PMM2: variants seen among roughly 807,000 people sequenced by gnomAD.
PMM2 encodes mannose-6-phosphate isomerase.
PMM2 carries 35 observed loss-of-function variants against 33.2 expected under a neutral mutation model. The ratio of observed to expected loss-of-function variants is 1.06; its 90% CI spans 0.81 to 1.40. The LOEUF is 1.40. PMM2 is among the 40% of genes most tolerant of loss of function. The pLI, the probability that PMM2 is intolerant of heterozygous loss-of-function variation, is 0.00. For synonymous variants in PMM2, 153 were observed against 114.7 expected, an observed-to-expected ratio of 1.33 and a Z score of -2.13; for missense variants, 386 against 306.0, an observed-to-expected ratio of 1.26 and a Z score of -1.95.
intron 6 of PMM2, among the ~76,000 whole-genome samples, chr16:8,812,768 C>T (rs1476983159): frequency 6.6e-6 from 1 of 152,168 alleles, no homozygotes; most frequent in Non-Finnish European, 1.5e-5. Context: ...AGTTGGCATT[C>T]TGTGCCTCAA....
At position 8,813,038 on chromosome 16, in the gene PMM2, T is replaced by TTTCC. The variant is rs1225268343; in HGVS notation, c.571_572insTTCC (p.Tyr191PhefsTer10). ...CTTTCCTGATGGATGGGACAAGAGA[T>TTTCC]ACTGTCTGCGACATGTGGAAAATGA... On this transcript the variant is annotated frameshift_variant, in exon 7 of 8. Transcript: ENST00000268261. LOFTEE classifies it high-confidence loss of function. 2 of 1,613,752 alleles carry TTTCC rather than the reference T, an allele frequency of 1.2e-6. No homozygotes were observed. Among genetic ancestry groups the TTTCC allele is most frequent in the African/African-American group, 2.7e-5 (2 of 74,936 alleles).
At chr16:8,827,371 C>CT (rs1036626956) in intron 7 of PMM2, among the ~76,000 whole-genome samples, 5 of 150,856 alleles carry the variant, frequency 3.3e-5, no homozygotes, top group African/African-American at 1.2e-4. Context: ...GCACAAAGGC[C>CT]TTTTTTTTAT....
intron 7 of PMM2, among the ~76,000 whole-genome samples, chr16:8,833,522 C>T (rs372769149): frequency 3.2e-4 from 49 of 151,416 alleles, no homozygotes; most frequent in South Asian, 2.3e-3. Context: ...AGTGTTGGGG[C>T]GGTGAAAATT....
At chr16:8,841,986 A>G (rs1385981132) in intron 7 of PMM2, among the ~76,000 whole-genome samples, 9 of 151,378 alleles carry the variant, frequency 5.9e-5, no homozygotes, top group Non-Finnish European at 1.0e-4. Context: ...ACGGCCTCTA[A>G]AAGTATTAAA....
chr16:8,847,523 T>C (rs1386032253), intron 7 of PMM2: 1 of 586,170 alleles, frequency 1.7e-6, no homozygotes, highest in East Asian at 2.9e-5. Flanking sequence ...CAAATTGCAG[T>C]TCAAGAGAAG....
At chr16:8,816,119 A>T (rs1273999595) in intron 7 of PMM2, among the ~76,000 whole-genome samples, 3 of 151,956 alleles carry the variant, frequency 2.0e-5, no homozygotes, top group African/African-American at 7.2e-5. Context: ...ACCTGCCAGG[A>T]TGGCCATTTT....
intron 7 of PMM2, among the ~76,000 whole-genome samples, chr16:8,825,294 G>C (rs184824216): frequency 2.0e-5 from 3 of 152,056 alleles, no homozygotes; most frequent in Non-Finnish European, 4.4e-5. Flanking sequence ...GCCTCCCAAA[G>C]TGCTAGGATT....
intron 7 of PMM2, among the ~76,000 whole-genome samples, chr16:8,837,495 C>G (rs1387929689): frequency 6.6e-6 from 1 of 151,168 alleles, no homozygotes; most frequent in Non-Finnish European, 1.5e-5. Flanking sequence ...GGAGGTAAGC[C>G]CAGAGAAAAG....
rs2060940722 is a variant in PMM2, at chr16:8,848,114, A to C, written c.*289A>C. 1 of 400,884 alleles carries C rather than the reference A, an allele frequency of 2.5e-6. No homozygotes were observed. The highest frequency in any genetic ancestry group is 2.2e-5 in the African/African-American group (1 of 46,420). 24.8% of individuals were successfully genotyped at this position (400,884 alleles called of 1,614,324 possible). On this transcript the variant is annotated 3_prime_UTR_variant, in exon 8 of 8. Transcript: ENST00000268261. ...CCCACCCTGATACGTGCAATCATGT[A>C]GTTTTGGCGGAAATTTCCCCATCAT...
At chr16:8,836,021 TG>T (rs59264554) in intron 7 of PMM2, among the ~76,000 whole-genome samples, 139,040 of 150,190 alleles carry the variant, frequency 0.93, 64,669 homozygotes, top group East Asian at 0.97. Context: ...TGGGGATAAC[TG>T]AAAAGGAGTG....
At chr16:8,828,270 A>G (rs2060790014) in intron 7 of PMM2, among the ~76,000 whole-genome samples, 1 of 151,980 alleles carries the variant, frequency 6.6e-6, no homozygotes, top group African/African-American at 2.4e-5. Context: ...TAGTTTAGAG[A>G]AAAGAAAATT....
chr16:8,823,029 G>T (rs1414231128), intron 7 of PMM2, among the ~76,000 whole-genome samples: 1 of 152,174 alleles, frequency 6.6e-6, no homozygotes, highest in African/African-American at 2.4e-5. Context: ...TAGACAGACA[G>T]ATTGGGGTAG....
intron 7 of PMM2, among the ~76,000 whole-genome samples, chr16:8,843,408 G>A (rs1375953792): frequency 1.3e-5 from 2 of 152,190 alleles, no homozygotes; most frequent in Non-Finnish European, 2.9e-5. Flanking sequence ...AGTTCTAGGG[G>A]CTCTGGGAGT....
Position 8,801,904 on chromosome 16 carries a change from A to G in PMM2, c.172A>G (p.Asn58Asp). ...TGAGAAAGTGCAGGAGCAACTGGGA[A>G]ATGATGGTAAATGATGGGTTGCTAA... The part of the protein sequence containing the change: ...DFEKVQEQLG[N>D]DVVEKYDYVF... The change falls in exon 2 of 8, where the codon AAT becomes GAT. Residue 58 changes from asparagine (N) to aspartate (D), a missense_variant. Coordinates refer to ENST00000268261, the MANE Select transcript of PMM2 (RefSeq NM_000303.3). 1 of 1,555,624 alleles carries G rather than the reference A, an allele frequency of 6.4e-7. No individual in the cohort carries two copies. The highest frequency in any genetic ancestry group is 1.1e-5 in the South Asian group (1 of 89,604).
chr16:8,834,927 A>G (rs2060833754), intron 7 of PMM2, among the ~76,000 whole-genome samples: 1 of 152,208 alleles, frequency 6.6e-6, no homozygotes, highest in Admixed American at 6.5e-5. Context: ...GGTCCGGGCC[A>G]GGAACAATGG....
At chr16:8,831,032 G>A (rs545993592) in intron 7 of PMM2, among the ~76,000 whole-genome samples, 4 of 152,144 alleles carry the variant, frequency 2.6e-5, no homozygotes, top group Non-Finnish European at 4.4e-5. Flanking sequence ...CCAGCTACTC[G>A]GGAGGCTGAG....
At chr16:8,812,729 G>A (rs1032034770) in intron 6 of PMM2, among the ~76,000 whole-genome samples, 4 of 152,146 alleles carry the variant, frequency 2.6e-5, no homozygotes, top group African/African-American at 9.7e-5. Flanking sequence ...TTGACAGGGC[G>A]CTTAAACGCA....
chr16:8,818,450 A>G (rs2060719664), intron 7 of PMM2, among the ~76,000 whole-genome samples: 1 of 152,236 alleles, frequency 6.6e-6, no homozygotes, highest in African/African-American at 2.4e-5. Context: ...TCAGGTGCAG[A>G]GCAATCCAAA....
intron 7 of PMM2, among the ~76,000 whole-genome samples, chr16:8,830,684 G>A (rs2060804501): frequency 6.6e-6 from 1 of 152,194 alleles, no homozygotes; most frequent in South Asian, 2.1e-4. Context: ...TTATTCTCAG[G>A]AGCAATGTGG....
Sources: gnomAD v4.1 joint callset for allele counts (sites outside exome capture counted in the v4.1 genomes callset) on GRCh38, gnomAD v4.1.1 for gene constraint, MANE v1.5 for transcripts, NCBI Gene and HGNC (gene_info 2026-07-23, HGNC 2026-07-21) for gene names.